The following CYFIP1 variants were observed in gnomAD, a reference collection of about 807,000 sequenced individuals.
The protein encoded by CYFIP1 is cytoplasmic FMR1-interacting protein 1.
In CYFIP1, 58 loss-of-function variants were observed where a neutral mutation model predicts 163.5. The ratio of observed to expected loss-of-function variants is 0.35; its 90% CI spans 0.29 to 0.44. The LOEUF is 0.44. Ranked by LOEUF, CYFIP1 falls within the 20% of genes least tolerant of loss-of-function variation. CYFIP1 has a pLI of 1.00. For synonymous variants in CYFIP1, 663 were observed against 660.7 expected, an observed-to-expected ratio of 1.00 and a Z score of -0.05; for missense variants, 1,338 against 1,653.8, an observed-to-expected ratio of 0.81 and a Z score of 3.31.
At chr15:22,912,110 G>T in intron 18 of CYFIP1, 69 bp downstream of exon 18, 1 of 1,375,944 alleles carries the variant, frequency 7.3e-7, no homozygotes, top group South Asian at 1.3e-5. Flanking sequence ...GAATACTTGG[G>T]AGAAAACAAA....
Position 22,932,229 on chromosome 15 carries a change from G to A in CYFIP1, c.1104C>T (p.Asn368=). The A allele has an allele frequency of 3.1e-6, 5 of 1,610,186 alleles. No individual in the cohort carries two copies. Among genetic ancestry groups the A allele is most frequent in the Non-Finnish European group, 4.2e-6 (5 of 1,177,880 alleles). ...RFISELARYS[N]SEVVTGSGRQ... is the part of the protein sequence containing the mutation. ...TCCAGGTCGCGGGGCGCACCTCGCT[G>A]TTGCTGTAGCGCGCCAGCTCCGAAA... is the stretch of plus-strand genomic sequence containing the variant. Residue 368 remains asparagine (N), a synonymous_variant, in exon 11 of 31, where the codon AAC becomes AAT. Transcript: ENST00000617928.
intron 11 of CYFIP1, 149 bp downstream of exon 11, chr15:22,932,074 C>T: frequency 1.6e-6 from 1 of 606,466 alleles, no homozygotes; most frequent in South Asian, 2.1e-5. Context: ...CCTAATGACA[C>T]ATTTGTCAGA....
rs1255031425 is a variant in CYFIP1, at chr15:22,940,579, T to A, written c.570-1072A>T. ...GCCGCAGGACCACAGGAGCCCTGGG[T>A]CCCGTAGAGCCTCGATCAGCTGCAG... On this transcript the variant is annotated intron_variant, in intron 6 of 30. Coordinates refer to ENST00000617928, the MANE Select transcript of CYFIP1 (RefSeq NM_014608.6). Among the ~76,000 whole-genome samples, 3 of 152,310 alleles carry A rather than the reference T, an allele frequency of 2.0e-5. No individual in the cohort carries two copies. In the East Asian group the frequency reaches 5.8e-4, roughly 29 times the overall value.
rs368857478 is a variant in CYFIP1, at chr15:22,914,722, G to A, written c.1985+4C>T. On this transcript the variant is annotated splice_donor_region_variant and intron_variant, in intron 17 of 30. Transcript: ENST00000617928. Reference sequence around the variant, plus strand: ...GGCTGGAGACAGGCCCGCAGGACACGCACTCCATCATCGATGCCTCCTTGG... The same window carrying A: ...GGCTGGAGACAGGCCCGCAGGACACACACTCCATCATCGATGCCTCCTTGG... The A allele has an allele frequency of 3.0e-5, 49 of 1,607,932 alleles. No individual in the cohort carries two copies. Among genetic ancestry groups the A allele is most frequent in the Middle Eastern group, 1.7e-4 (1 of 6,028 alleles).
chr15:22,942,909 G>A (rs907889981), intron 6 of CYFIP1, among the ~76,000 whole-genome samples: 19 of 152,152 alleles, frequency 1.2e-4, no homozygotes, highest in African/African-American at 4.3e-4. Flanking sequence ...CCAGGGGCTC[G>A]AAGGTCCTCT....
intron 21 of CYFIP1, 105 bp from the exon 22 acceptor site, chr15:22,904,010 G>T: frequency 1.9e-6 from 2 of 1,055,966 alleles, no homozygotes; most frequent in Non-Finnish European, 1.4e-6. Flanking sequence ...TGGCAGGGCT[G>T]CACGGAGGCA....
chr15:22,880,145 C>G, intron 25 of CYFIP1, 102 bp from the exon 26 acceptor site: 1 of 1,497,452 alleles, frequency 6.7e-7, no homozygotes, highest in Non-Finnish European at 9.2e-7. Context: ...ACACCGCCAT[C>G]AAGCCTGGCT....
At position 22,917,808 on chromosome 15, in the gene CYFIP1, C is replaced by T. The variant is rs771228457; in HGVS notation, c.1654G>A (p.Val552Met). 3.1e-6 allele frequency: 5 copies of T among 1,611,398 alleles called. No homozygotes were observed. Among genetic ancestry groups the T allele is most frequent in the African/African-American group, 1.3e-5 (1 of 75,010 alleles). Residue 552 changes from valine to methionine, a missense_variant, in exon 15 of 31, where the codon GTG (valine) becomes ATG (methionine). By Grantham distance (21) the Val-to-Met change is conservative. Transcript: ENST00000617928. This position sits in a 1 kb window ranked among gnomAD's most constrained non-coding sequence, Gnocchi z 4.2. ...AGAACCTGAGTGCTGGAGGGTCCCA[C>T]GGCGCGGCGTGGTACTTTTATGTCG... ...GFDIKVPRRA[V>M]GPSSTQLYMV...
chr15:22,917,259 G>A lies in CYFIP1; in HGVS notation c.1674+529C>T. On this transcript the variant is annotated intron_variant, in intron 15 of 30. Transcript: ENST00000617928. The surrounding 1 kb of genome is among the most constrained non-coding windows in gnomAD (Gnocchi z 4.2). ...GATTAAAAGCCTCCGGCAGAGATGA[G>A]GGAGAAGACCAGCCCCAGGACGGAG... 7.2e-7 allele frequency: 1 copy of A among 1,392,928 alleles called. No homozygotes were observed. The highest frequency in any genetic ancestry group is 9.3e-7 in the Non-Finnish European group (1 of 1,080,348). The allele number at this position is 1,392,928 out of a possible 1,614,324, so 86.3% of individuals were successfully genotyped here.
Position 22,904,241 on chromosome 15 carries a change from A to T in CYFIP1, c.2389-336T>A. 3 of 362,704 alleles carry T rather than the reference A, an allele frequency of 8.3e-6. No homozygotes were observed. In the South Asian group the frequency reaches 9.0e-5, roughly 11 times the overall value. The allele number at this position is 362,704 out of a possible 1,614,324, so 22.5% of individuals were successfully genotyped here. A position where few individuals can be genotyped will look rare whatever the true frequency, so the allele number is the denominator to read the frequency against. On this transcript the variant is annotated intron_variant, in intron 21 of 30. Coordinates refer to ENST00000617928, the MANE Select transcript of CYFIP1 (RefSeq NM_014608.6). Reference sequence around the variant, plus strand: ...GAGCCCCGGCCCTGCCCTGCAGTATAACCCAGCCGGCGGCTGCATCTCCCT... The same window carrying T: ...GAGCCCCGGCCCTGCCCTGCAGTATTACCCAGCCGGCGGCTGCATCTCCCT...
At chr15:22,899,188 A>G (rs1450454246) in intron 22 of CYFIP1, among the ~76,000 whole-genome samples, 1 of 152,106 alleles carries the variant, frequency 6.6e-6, no homozygotes, top group African/African-American at 2.4e-5. Context: ...AAATGAGCAA[A>G]TGAGTAATAT....
chr15:22,899,662 A>T (rs922888863), intron 22 of CYFIP1, among the ~76,000 whole-genome samples: 1 of 152,196 alleles, frequency 6.6e-6, no homozygotes, highest in African/African-American at 2.4e-5. Flanking sequence ...TTTCTTTTGT[A>T]AATCGCCCAG....
At chr15:22,926,694 A>G (rs2061367355) in intron 12 of CYFIP1, among the ~76,000 whole-genome samples, 1 of 152,240 alleles carries the variant, frequency 6.6e-6, no homozygotes, top group South Asian at 2.1e-4. Context: ...AAAGACATTG[A>G]TGGCTGGAGC....
intron 1 of CYFIP1, among the ~76,000 whole-genome samples, chr15:22,954,501 G>T (rs770889770): frequency 6.6e-6 from 1 of 152,218 alleles, no homozygotes; most frequent in Non-Finnish European, 1.5e-5. Flanking sequence ...AACAAAACAA[G>T]CCAGCCAGAC....
At chr15:22,872,293 C>CAAAAAAAAAA in intron 30 of CYFIP1, among the ~76,000 whole-genome samples, 1 of 111,416 alleles carries the variant, frequency 9.0e-6, no homozygotes, top group Non-Finnish European at 1.9e-5. Context: ...GAAACTGTCT[C>CAAAAAAAAAA]AAAAAAAAAA....
chr15:22,876,208 T>A (rs1049510430), intron 26 of CYFIP1, among the ~76,000 whole-genome samples: 1 of 152,022 alleles, frequency 6.6e-6, no homozygotes, highest in African/African-American at 2.4e-5. Flanking sequence ...AGATTTTAAC[T>A]TCTGAGGACC....
At position 22,918,338 on chromosome 15, in the gene CYFIP1, C is replaced by T. The variant is rs117129306; in HGVS notation, c.1526+354G>A. ...AGTCACCCACATGACCAGAGCCTGG[C>T]CATGTCTCTCGACTGGTTTGGAACA... On this transcript the variant is annotated intron_variant, in intron 14 of 30. Transcript: ENST00000617928. Among the ~76,000 whole-genome samples, 968 of 152,190 alleles carry T rather than the reference C, an allele frequency of 6.4e-3. 8 individuals carry two copies. Among genetic ancestry groups the T allele is most frequent in the Non-Finnish European group, 0.011 (727 of 68,004 alleles).
At chr15:22,916,329 C>T in intron 16 of CYFIP1, 148 bp downstream of exon 16, 2 of 656,534 alleles carry the variant, frequency 3.0e-6, no homozygotes, top group Non-Finnish European at 5.2e-6. Flanking sequence ...CAGGGACGTA[C>T]AGCCACCGCC....
chr15:22,872,993 CAG>C (rs1277444378), intron 29 of CYFIP1, 21 bp from the exon 30 acceptor site: 1 of 1,612,312 alleles, frequency 6.2e-7, no homozygotes, highest in Non-Finnish European at 8.5e-7. Flanking sequence ...GAAGCAGAAA[CAG>C]AATGGGAGAT....
Sources: allele counts gnomAD v4.1 joint callset (sites outside exome capture counted in the v4.1 genomes callset), GRCh38; gene constraint gnomAD v4.1.1; non-coding constraint Gnocchi (gnomAD v3.1); transcripts MANE v1.5; gene names NCBI Gene and HGNC (gene_info 2026-07-23, HGNC 2026-07-21).